Variants in MSI2 observed in about 807,000 individuals in gnomAD.
MSI2 encodes the protein RNA-binding protein Musashi homolog 2.
In MSI2, 17 loss-of-function variants were observed where a neutral mutation model predicts 45.6. The observed-to-expected ratio is 0.37, with a 90% confidence interval of 0.26 to 0.56. The LOEUF (loss-of-function observed/expected upper bound fraction) is 0.56. Among genes scored for constraint, MSI2 ranks in the 20% least tolerant of loss-of-function variants. The probability of loss-of-function intolerance (pLI) is 0.77; values close to 1 mark genes in which losing one functional copy is unlikely to be tolerated. For missense variants in MSI2, 293 were observed against 444.2 expected, an observed-to-expected ratio of 0.66 and a Z score of 3.06; for synonymous variants, 156 against 158.2, an observed-to-expected ratio of 0.99 and a Z score of 0.11.
chr17:57,679,521 G>A, intron 13 of MSI2, 28 bp from the exon 14 acceptor site: 1 of 1,047,850 alleles, frequency 9.5e-7, no homozygotes. Context: ...GTTTTCTTCT[G>A]GACATCCTGG....
intron 6 of MSI2, among the ~76,000 whole-genome samples, chr17:57,427,071 G>C (rs939919257): frequency 6.6e-6 from 1 of 152,214 alleles, no homozygotes; most frequent in African/African-American, 2.4e-5. Context: ...ATTGAGAGAA[G>C]CTCTCTGTTT....
In MSI2 at chr17:57,552,008, C is replaced by G. The variant is rs2087317947; in HGVS notation, c.454+22284C>G. Among the ~76,000 whole-genome samples, 1 of 152,176 alleles carries G rather than the reference C, an allele frequency of 6.6e-6. No individual in the cohort carries two copies. Among genetic ancestry groups the G allele is most frequent in the African/African-American group, 2.4e-5 (1 of 41,434 alleles). ...AGCTCCAAAGGGTTGCCTCCTACTC[C>G]ACTTGCTGCATAGAGGGGTTTTCTG... On this transcript the variant is annotated intron_variant, in intron 7 of 13. Coordinates refer to ENST00000284073, the MANE Select transcript of MSI2 (RefSeq NM_138962.4). This position sits in a 1 kb window ranked among gnomAD's most constrained non-coding sequence, Gnocchi z 4.3.
At chr17:57,615,936 T>C in intron 8 of MSI2, 34 bp from the exon 9 acceptor site, 8 of 1,497,446 alleles carry the variant, frequency 5.3e-6, no homozygotes, top group Non-Finnish European at 7.4e-6. Flanking sequence ...TGGAATTCAT[T>C]TGCATCTCAT....
chr17:57,592,441 G>GA (rs1388143745), intron 7 of MSI2, among the ~76,000 whole-genome samples: 5 of 152,126 alleles, frequency 3.3e-5, no homozygotes, highest in Non-Finnish European at 7.4e-5. Context: ...AACACTTATT[G>GA]ATAATTAAGT....
chr17:57,552,115 T>A lies in MSI2; in HGVS notation c.454+22391T>A, dbSNP rs988035180. ...CATGTGACCTTCAGCAGGTCTCTCCTGCTGCTGCCCCAGGACTGGCCACAC... is the reference window on the plus strand; with the variant it reads ...CATGTGACCTTCAGCAGGTCTCTCCAGCTGCTGCCCCAGGACTGGCCACAC... On this transcript the variant is annotated intron_variant, in intron 7 of 13. Coordinates refer to ENST00000284073, the MANE Select transcript of MSI2 (RefSeq NM_138962.4). This position sits in a 1 kb window ranked among gnomAD's most constrained non-coding sequence, Gnocchi z 4.3. Among the ~76,000 whole-genome samples the A allele has an allele frequency of 1.3e-5, 2 of 152,138 alleles. No homozygotes were observed. The highest frequency in any genetic ancestry group is 2.9e-5 in the Non-Finnish European group (2 of 68,010).
intron 5 of MSI2, among the ~76,000 whole-genome samples, chr17:57,328,636 GTATAGA>G (rs1231697682): frequency 6.6e-6 from 1 of 152,106 alleles, no homozygotes; most frequent in Admixed American, 6.5e-5. Context: ...ATGCTCCATT[GTATAGA>G]TATAACCTAA....
intron 7 of MSI2, among the ~76,000 whole-genome samples, chr17:57,547,790 G>A (rs1016172572): frequency 9.4e-5 from 10 of 106,784 alleles, no homozygotes; most frequent in Non-Finnish European, 1.8e-4. Flanking sequence ...ACACACACAC[G>A]TCTCTGGAGA....
intron 8 of MSI2, among the ~76,000 whole-genome samples, chr17:57,603,044 C>G (rs111585842): frequency 1.3e-5 from 2 of 152,198 alleles, no homozygotes; most frequent in African/African-American, 2.4e-5. Context: ...GAAGGGAGCA[C>G]GGAGCCAGGC....
intron 8 of MSI2, among the ~76,000 whole-genome samples, chr17:57,600,697 T>C (rs1248853714): frequency 6.6e-6 from 1 of 152,110 alleles, no homozygotes; most frequent in Non-Finnish European, 1.5e-5. Context: ...CCTTCCTTCA[T>C]TCTCCATGTA....
In MSI2 at chr17:57,373,181, C is replaced by T. The variant is rs140165129; in HGVS notation, c.313-28198C>T. Among the ~76,000 whole-genome samples the T allele has an allele frequency of 4.0e-3, 605 of 151,032 alleles. 2 individuals are homozygous for T. The highest frequency in any genetic ancestry group is 0.014 in the African/African-American group (575 of 41,110). On this transcript the variant is annotated intron_variant, in intron 5 of 13. Coordinates refer to ENST00000284073, the MANE Select transcript of MSI2 (RefSeq NM_138962.4). ...CTGAGGCACGCTTGAACCCAGGAGACGGAGGTTGCAGTGAGCTGAGATTGC... is the reference window on the plus strand; with the variant it reads ...CTGAGGCACGCTTGAACCCAGGAGATGGAGGTTGCAGTGAGCTGAGATTGC...
intron 8 of MSI2, among the ~76,000 whole-genome samples, chr17:57,609,728 C>G (rs931349721): frequency 6.6e-6 from 1 of 152,244 alleles, no homozygotes; most frequent in Non-Finnish European, 1.5e-5. Flanking sequence ...GCAAGGGCTT[C>G]GGATCCACTG....
chr17:57,652,262 C>T lies in MSI2; in HGVS notation c.790+101C>T, dbSNP rs1911214539. The T allele has an allele frequency of 5.0e-6, 6 of 1,198,192 alleles. No homozygotes were observed. In the Admixed American group the frequency reaches 7.1e-5, roughly 14 times the overall value. 74.2% of individuals were successfully genotyped at this position (1,198,192 alleles called of 1,614,324 possible). ...CTGTGTGGCTGCATCTGTCCAACAC[C>T]ACTCTCACCACAGCCCCGGGGAGGG... On this transcript the variant is annotated intron_variant, in intron 11 of 13. Coordinates refer to ENST00000284073, the MANE Select transcript of MSI2 (RefSeq NM_138962.4). This position sits in a 1 kb window ranked among gnomAD's most constrained non-coding sequence, Gnocchi z 4.1.
At chr17:57,454,468 C>T (rs1276673996) in intron 6 of MSI2, among the ~76,000 whole-genome samples, 5 of 130,270 alleles carry the variant, frequency 3.8e-5, no homozygotes, top group African/African-American at 1.5e-4. Context: ...GATGGATTCT[C>T]GCTCTGTCTC....
the MSI2 span, among the ~76,000 whole-genome samples, chr17:57,699,040 A>AGTGTGTGTGTGT: frequency 3.2e-5 from 1 of 31,368 alleles, no homozygotes; most frequent in African/African-American, 3.0e-4. Flanking sequence ...AGAGAGAGAG[A>AGTGTGTGTGTGT]GAGAGTGTGT....
At chr17:57,585,188 C>G (rs544340711) in intron 7 of MSI2, among the ~76,000 whole-genome samples, 3 of 152,298 alleles carry the variant, frequency 2.0e-5, no homozygotes, top group South Asian at 2.1e-4. Flanking sequence ...TTACCTCTCC[C>G]TGTCCTGAAT....
At chr17:57,566,463 A>G (rs978192250) in intron 7 of MSI2, among the ~76,000 whole-genome samples, 3 of 152,150 alleles carry the variant, frequency 2.0e-5, no homozygotes, top group East Asian at 1.9e-4. Context: ...AGATGAATGG[A>G]AGGAAGCCCT....
At chr17:57,499,341 A>G (rs1212431908) in intron 6 of MSI2, among the ~76,000 whole-genome samples, 2 of 143,088 alleles carry the variant, frequency 1.4e-5, no homozygotes, top group Non-Finnish European at 3.0e-5. Context: ...GTGCCACGGC[A>G]CTCCAGCCTG....
intron 6 of MSI2, among the ~76,000 whole-genome samples, chr17:57,415,415 A>G (rs1174829525): frequency 3.3e-5 from 5 of 152,116 alleles, no homozygotes; most frequent in African/African-American, 1.2e-4. Context: ...AAGTTGAACA[A>G]TTCTCAACTT....
At chr17:57,287,945 G>C in intron 5 of MSI2, among the ~76,000 whole-genome samples, 1 of 152,196 alleles carries the variant, frequency 6.6e-6, no homozygotes, top group South Asian at 2.1e-4. Flanking sequence ...GAGCAGGCCA[G>C]GGCGGCACCA....
Sources: allele counts gnomAD v4.1 joint callset (sites outside exome capture counted in the v4.1 genomes callset), GRCh38; gene constraint gnomAD v4.1.1; non-coding constraint Gnocchi (gnomAD v3.1); transcripts MANE v1.5; gene names NCBI Gene and HGNC (gene_info 2026-07-23, HGNC 2026-07-21).